The following USP6NL variants were observed in gnomAD, a reference collection of about 807,000 sequenced individuals.
USP6NL encodes USP6 N-terminal-like protein.
USP6NL carries 26 observed loss-of-function variants against 61.9 expected under a neutral mutation model. The observed-to-expected ratio is 0.42, with a 90% confidence interval of 0.31 to 0.58. USP6NL has a LOEUF of 0.58. Ranked by LOEUF, USP6NL falls within the 20% of genes least tolerant of loss-of-function variation. USP6NL has a pLI of 0.16. For synonymous variants in USP6NL, 432 were observed against 390.1 expected, an observed-to-expected ratio of 1.11 and a Z score of -1.27; for missense variants, 1,114 against 1,034.3, an observed-to-expected ratio of 1.08 and a Z score of -1.06.
intron 2 of USP6NL, among the ~76,000 whole-genome samples, chr10:11,581,232 A>C (rs1360948741): frequency 6.6e-6 from 1 of 152,238 alleles, no homozygotes; most frequent in African/African-American, 2.4e-5. Flanking sequence ...GATAAGCACT[A>C]CTGACAATCT....
At chr10:11,557,000 T>G (rs1162187921) in intron 2 of USP6NL, among the ~76,000 whole-genome samples, 2 of 152,166 alleles carry the variant, frequency 1.3e-5, no homozygotes, top group Non-Finnish European at 2.9e-5. Context: ...TCGCTTTGGA[T>G]CACAGAGAAT....
At chr10:11,590,608 T>C (rs1321638196) in intron 2 of USP6NL, among the ~76,000 whole-genome samples, 2 of 152,170 alleles carry the variant, frequency 1.3e-5, no homozygotes, top group African/African-American at 4.8e-5. Context: ...GAGAAGTTAA[T>C]GTAAAAGAGA....
intron 4 of USP6NL, among the ~76,000 whole-genome samples, chr10:11,521,149 C>G (rs953330686): frequency 1.3e-4 from 20 of 151,910 alleles, no homozygotes; most frequent in African/African-American, 4.6e-4. Flanking sequence ...CATTTGGAAA[C>G]TTAAAAGTTA....
intron 14 of USP6NL, among the ~76,000 whole-genome samples, chr10:11,466,844 G>A (rs1372726600): frequency 6.6e-6 from 1 of 152,152 alleles, no homozygotes; most frequent in East Asian, 1.9e-4. Flanking sequence ...GGAACACAGT[G>A]GTAGGTATTT....
chr10:11,493,023 A>G (rs1833766520), intron 8 of USP6NL, 96 bp downstream of exon 8: 1 of 1,070,428 alleles, frequency 9.3e-7, no homozygotes, highest in Non-Finnish European at 1.3e-6. Flanking sequence ...TTAGGACCTA[A>G]ATCGAAATTA....
At position 11,493,156 on chromosome 10, in the gene USP6NL, G is replaced by T. The variant is rs1417869844; in HGVS notation, c.457C>A (p.Arg153=). ...CTGTCTCTAAACATAATGTGGTCCCGAAATGTGCGGTTGACATCCAGGTCT... is the reference window on the plus strand; with the variant it reads ...CTGTCTCTAAACATAATGTGGTCCCTAAATGTGCGGTTGACATCCAGGTCT... The part of the protein sequence containing the change: ...QIDLDVNRTF[R]DHIMFRDRYG... Residue 153 remains arginine, a synonymous_variant, in exon 8 of 15, where the codon CGG becomes AGG. Coordinates refer to ENST00000609104, the MANE Select transcript of USP6NL (RefSeq NM_014688.5). The T allele has an allele frequency of 1.2e-6, 2 of 1,612,000 alleles. No homozygotes were observed. Among genetic ancestry groups the T allele is most frequent in the Non-Finnish European group, 1.7e-6 (2 of 1,179,082 alleles).
At chr10:11,593,164 T>C (rs950454507) in intron 2 of USP6NL, among the ~76,000 whole-genome samples, 1 of 152,218 alleles carries the variant, frequency 6.6e-6, no homozygotes, top group Non-Finnish European at 1.5e-5. Context: ...ATCACGTAAT[T>C]AGTTGCAGAG....
Position 11,602,314 on chromosome 10 carries a change from T to C in USP6NL, c.-83-4597A>G, listed in dbSNP as rs903654568. ...TATAACTCAATACTTAAATGATTAA[T>C]GTTCTGTTTTTAAATTTAAAACAGG... On this transcript the variant is annotated intron_variant, in intron 1 of 14. Transcript: ENST00000609104. The surrounding 1 kb of genome is among the most constrained non-coding windows in gnomAD (Gnocchi z 4.8). Among the ~76,000 whole-genome samples the C allele has an allele frequency of 1.1e-4, 17 of 152,204 alleles. No homozygotes were observed. Among genetic ancestry groups the C allele is most frequent in the African/African-American group, 4.1e-4 (17 of 41,452 alleles).
Position 11,463,046 on chromosome 10 carries a change from G to T in USP6NL, c.1882C>A (p.His628Asn), listed in dbSNP as rs1339126888. The T allele has an allele frequency of 6.2e-7, 1 of 1,614,056 alleles. No homozygotes were observed. Residue 628 changes from histidine (H) to asparagine (N), a missense_variant, in exon 15 of 15, where the codon CAT becomes AAT. Coordinates refer to ENST00000609104, the MANE Select transcript of USP6NL (RefSeq NM_014688.5). This position sits in a 1 kb window ranked among gnomAD's most constrained non-coding sequence, Gnocchi z 6.3. The stretch of plus-strand genomic sequence containing the variant: ...GGGGGATTGCTGTAGGAGGGGGGAT[G>T]AGCTAGCCCTCGGGCTTCCCCATCT... ...QLDGEARGLA[H>N]PPSYSNPPVY...
rs1339508382 is a variant in USP6NL at position 11,496,104 on chromosome 10, ACTC to A, written c.385-2879_385-2877del. Reference sequence around the variant, plus strand: ...GACTGTCCAAAATTTAAACTACTCAACTCCTCTGCTTTCATGACAGCAGCTCAC... The same window carrying A: ...GACTGTCCAAAATTTAAACTACTCAACTCTGCTTTCATGACAGCAGCTCAC... On this transcript the variant is annotated intron_variant, in intron 7 of 14. Coordinates refer to ENST00000609104, the MANE Select transcript of USP6NL (RefSeq NM_014688.5). The surrounding 1 kb of genome is among the most constrained non-coding windows in gnomAD (Gnocchi z 5.4). Among the ~76,000 whole-genome samples, 3 of 151,870 alleles carry A rather than the reference ACTC, an allele frequency of 2.0e-5. No homozygotes were observed. Among genetic ancestry groups the A allele is most frequent in the African/African-American group, 7.3e-5 (3 of 41,310 alleles).
chr10:11,492,363 G>A (rs555113903), intron 8 of USP6NL, among the ~76,000 whole-genome samples: 20 of 152,326 alleles, frequency 1.3e-4, no homozygotes, highest in Admixed American at 1.2e-3. Context: ...TTTGTAGACT[G>A]ATAAAAATCC....
At chr10:11,594,539 G>A (rs73570820) in intron 2 of USP6NL, among the ~76,000 whole-genome samples, 157 of 152,116 alleles carry the variant, frequency 1.0e-3, no homozygotes, top group African/African-American at 3.4e-3. Flanking sequence ...CCCCAATTTC[G>A]TCTCCTCCAC....
intron 5 of USP6NL, among the ~76,000 whole-genome samples, chr10:11,514,050 G>T (rs1425836734): frequency 6.6e-6 from 1 of 152,190 alleles, no homozygotes; most frequent in East Asian, 1.9e-4. Context: ...CACTTCTAGC[G>T]ATGATGCTAC....
Position 11,596,115 on chromosome 10 carries a change from A to T in USP6NL, c.4+1516T>A, listed in dbSNP as rs917501975. Among the ~76,000 whole-genome samples the T allele has an allele frequency of 6.6e-6, 1 of 152,188 alleles. No individual in the cohort carries two copies. Among genetic ancestry groups the T allele is most frequent in the African/African-American group, 2.4e-5 (1 of 41,450 alleles). On this transcript the variant is annotated intron_variant, in intron 2 of 14. Transcript: ENST00000609104. This position sits in a 1 kb window ranked among gnomAD's most constrained non-coding sequence, Gnocchi z 4.1. ...AGGCACAGGCTACCTGCCGTCAAAA[A>T]AACTTACATCTGCAACACTGATCCT...
chr10:11,549,732 C>G (rs1836415569), intron 2 of USP6NL, among the ~76,000 whole-genome samples: 2 of 152,174 alleles, frequency 1.3e-5, no homozygotes, highest in African/African-American at 4.8e-5. Flanking sequence ...TCACATATCA[C>G]TAACTGGGTA....
Position 11,499,235 on chromosome 10 carries a change from G to A in USP6NL, c.384+1866C>T, listed in dbSNP as rs144253708. Among the ~76,000 whole-genome samples the A allele has an allele frequency of 1.3e-5, 2 of 152,178 alleles. No individual in the cohort carries two copies. The highest frequency in any genetic ancestry group is 1.9e-4 in the East Asian group (1 of 5,174). ...AAAGTTGGCTAAATAATGATGCTGG[G>A]GGAAACTCAAATAGTAAAAATAATA... On this transcript the variant is annotated intron_variant, in intron 7 of 14. Transcript: ENST00000609104. The surrounding 1 kb of genome is among the most constrained non-coding windows in gnomAD (Gnocchi z 4.5).
At position 11,511,995 on chromosome 10, in the gene USP6NL, T is replaced by C. The variant is rs1424841151; in HGVS notation, c.196-2320A>G. Among the ~76,000 whole-genome samples, 1 of 152,136 alleles carries C rather than the reference T, an allele frequency of 6.6e-6. No homozygotes were observed. Among genetic ancestry groups the C allele is most frequent in the African/African-American group, 2.4e-5 (1 of 41,428 alleles). On this transcript the variant is annotated intron_variant, in intron 5 of 14. Coordinates refer to ENST00000609104, the MANE Select transcript of USP6NL (RefSeq NM_014688.5). The surrounding 1 kb of genome is among the most constrained non-coding windows in gnomAD (Gnocchi z 4.9). ...CCCCCAATCATGAATCTATAATTCA[T>C]AGATGAAATATACTTTCTCACCAAA...
intron 2 of USP6NL, among the ~76,000 whole-genome samples, chr10:11,566,476 A>G (rs965361290): frequency 5.3e-5 from 8 of 152,196 alleles, no homozygotes; most frequent in African/African-American, 1.9e-4. Context: ...TCACGAACTT[A>G]TAAGAACTTT....
Position 11,501,211 on chromosome 10 carries a change from T to G in USP6NL, c.277-3A>C. ...CCTTTGTAAATTCGCCTATGAAACT[T>G]ATTAAAAGAAAAAGAAACTGAAGGT... On this transcript the variant is annotated splice_region_variant and splice_polypyrimidine_tract_variant and intron_variant, in intron 6 of 14. Transcript: ENST00000609104. 6.2e-7 allele frequency: 1 copy of G among 1,602,716 alleles called. No individual in the cohort carries two copies. The highest frequency in any genetic ancestry group is 8.5e-7 in the Non-Finnish European group (1 of 1,176,050).
Sources: gnomAD v4.1 joint callset for allele counts (sites outside exome capture counted in the v4.1 genomes callset) on GRCh38, gnomAD v4.1.1 for gene constraint, Gnocchi (gnomAD v3.1) non-coding constraint, MANE v1.5 for transcripts, NCBI Gene and HGNC (gene_info 2026-07-23, HGNC 2026-07-21) for gene names.